Variants in GAPVD1 observed in about 807,000 individuals in gnomAD.
GAPVD1 encodes GTPase-activating protein and VPS9 domain-containing protein 1.
In GAPVD1, 35 loss-of-function variants were observed where a neutral mutation model predicts 155.5. That is an observed-to-expected ratio of 0.23 (90% CI 0.17 to 0.30). GAPVD1 has a LOEUF of 0.30. Ranked by LOEUF, GAPVD1 falls within the 10% of genes least tolerant of loss-of-function variation. GAPVD1 has a pLI of 1.00. For missense variants in GAPVD1, 1,429 were observed against 1,775.7 expected (o/e 0.80, Z 3.51); for synonymous variants, 636 against 619.7 (o/e 1.03, Z -0.39).
intron 1 of GAPVD1, among the ~76,000 whole-genome samples, chr9:125,268,193 A>ACCC (rs1356313378): frequency 1.2e-5 from 1 of 85,812 alleles, no homozygotes; most frequent in African/African-American, 4.4e-5. Context: ...ACAAACAAAC[A>ACCC]ACCCCCCCCC....
chr9:125,331,493 G>A (rs1413646599), intron 13 of GAPVD1, among the ~76,000 whole-genome samples: 2 of 152,148 alleles, frequency 1.3e-5, no homozygotes, highest in African/African-American at 2.4e-5. Context: ...GAGCTACCAC[G>A]GCTGGCCTGT....
chr9:125,300,018 C>CAAAATAAAAAA (rs1564330046), intron 4 of GAPVD1, among the ~76,000 whole-genome samples: 3 of 1,934 alleles, frequency 1.6e-3, no homozygotes, highest in Admixed American at 0.016. Context: ...GACTCTGTCT[C>CAAAATAAAAAA]AAAAGAAAAA....
chr9:125,332,083 A>C, intron 14 of GAPVD1, 23 bp downstream of exon 14: 1 of 1,612,182 alleles, frequency 6.2e-7, no homozygotes, highest in Non-Finnish European at 8.5e-7. Flanking sequence ...TGTTTTAAGG[A>C]GTAGGGATTT....
Position 125,321,528 on chromosome 9 carries a change from C to G in GAPVD1, c.1698C>G (p.Ser566=). ...AACCTGATAAAACCTTGCGCTTTTC[C>G]CTCTGCAGTGATAATCTGGAAGGAA... ...HGKPDKTLRF[S]LCSDNLEGIS... The change falls in exon 10 of 28, where the codon TCC becomes TCG. Residue 566 remains serine, a synonymous_variant. Coordinates refer to ENST00000297933, the MANE Select transcript of GAPVD1 (RefSeq NM_001282680.3). 6.2e-7 allele frequency: 1 copy of G among 1,613,538 alleles called. No individual in the cohort carries two copies. Among genetic ancestry groups the G allele is most frequent in the Non-Finnish European group, 8.5e-7 (1 of 1,179,660 alleles).
intron 5 of GAPVD1, among the ~76,000 whole-genome samples, chr9:125,304,740 T>C: frequency 6.6e-6 from 1 of 152,200 alleles, no homozygotes; most frequent in South Asian, 2.1e-4. Context: ...TACAAATTAA[T>C]TTAAAAAGCT....
At chr9:125,306,281 A>C (rs748413419) in intron 6 of GAPVD1, among the ~76,000 whole-genome samples, 1 of 152,028 alleles carries the variant, frequency 6.6e-6, no homozygotes, top group Non-Finnish European at 1.5e-5. Context: ...CTCCTGCCTC[A>C]GCCTCCGAGT....
intron 12 of GAPVD1, among the ~76,000 whole-genome samples, chr9:125,326,998 C>A (rs1184699582): frequency 6.6e-6 from 1 of 152,122 alleles, no homozygotes; most frequent in African/African-American, 2.4e-5. Flanking sequence ...GCCATAAAAT[C>A]TTTCACAACA....
intron 1 of GAPVD1, among the ~76,000 whole-genome samples, chr9:125,265,433 A>G (rs1297650260): frequency 6.6e-6 from 1 of 151,346 alleles, no homozygotes; most frequent in East Asian, 2.0e-4. Flanking sequence ...TCTTTCTGAG[A>G]GGGAGTCTTA....
intron 6 of GAPVD1, 111 bp downstream of exon 6, chr9:125,305,260 G>T (rs2130987035): frequency 2.9e-6 from 2 of 692,452 alleles, no homozygotes; most frequent in South Asian, 3.5e-5. Flanking sequence ...CTTTTAATTA[G>T]CTACAGTATT....
chr9:125,273,589 G>T (rs1385268325), intron 2 of GAPVD1, among the ~76,000 whole-genome samples: 1 of 151,564 alleles, frequency 6.6e-6, no homozygotes, highest in African/African-American at 2.4e-5. Flanking sequence ...CACAGAAATA[G>T]TGCAGAATGT....
intron 9 of GAPVD1, among the ~76,000 whole-genome samples, chr9:125,318,942 G>A (rs985679492): frequency 5.9e-5 from 9 of 151,996 alleles, no homozygotes; most frequent in Non-Finnish European, 1.3e-4. Flanking sequence ...TTGGGAGGCC[G>A]AAGCAGGCAG....
chr9:125,341,214 A>T lies in GAPVD1; in HGVS notation c.2915A>T (p.Asp972Val). The T allele has an allele frequency of 6.2e-7, 1 of 1,607,156 alleles. No individual in the cohort carries two copies. The highest frequency in any genetic ancestry group is 8.5e-7 in the Non-Finnish European group (1 of 1,173,938). Residue 972 changes from aspartate to valine, a missense_variant, in exon 18 of 28, where the codon GAC becomes GTC. By Grantham distance (152) the Asp-to-Val change is radical (BLOSUM62 -3). Around this residue, in one of 4 missense-constraint regions of GAPVD1, gnomAD observed 699 missense variants for 826.0 expected, o/e 0.85. Transcript: ENST00000297933. ...AAAGATAGCGATGATGAGAAATCAG[A>T]CAGGAACAGACCTTGGTGGAGAAAA... is the stretch of plus-strand genomic sequence containing the variant. ...ERKDSDDEKS[D>V]RNRPWWRKRF...
chr9:125,294,904 T>A (rs1439970575), intron 2 of GAPVD1, among the ~76,000 whole-genome samples: 1 of 151,920 alleles, frequency 6.6e-6, no homozygotes, highest in Non-Finnish European at 1.5e-5. Flanking sequence ...ACAGGAACTT[T>A]AAGGAGTAAA....
intron 2 of GAPVD1, among the ~76,000 whole-genome samples, chr9:125,292,507 C>T (rs535756731): frequency 1.3e-5 from 2 of 152,044 alleles, no homozygotes; most frequent in East Asian, 1.9e-4. Flanking sequence ...ATTTTCTTGC[C>T]TCAGCCTCCT....
chr9:125,288,759 A>T (rs1838129627), intron 2 of GAPVD1, among the ~76,000 whole-genome samples: 1 of 152,192 alleles, frequency 6.6e-6, no homozygotes, highest in African/African-American at 2.4e-5. Flanking sequence ...ACTGCAAGGG[A>T]ACCAATTAGG....
At position 125,330,148 on chromosome 9, in the gene GAPVD1, C is replaced by G. The variant is rs780991542; in HGVS notation, c.2103C>G (p.Pro701=). ...LPGSGSVLLD[P]CTGSTISETT... Reference sequence around the variant, plus strand: ...GTTCAGGGTCAGTGCTTCTTGACCCCTGCACTGGTTCTACCATATCAGAGA... The same window carrying G: ...GTTCAGGGTCAGTGCTTCTTGACCCGTGCACTGGTTCTACCATATCAGAGA... Residue 701 remains proline, a synonymous_variant, in exon 13 of 28, where the codon CCC becomes CCG. Transcript: ENST00000297933. The G allele has an allele frequency of 3.0e-5, 48 of 1,608,146 alleles. No individual in the cohort carries two copies. The highest frequency in any genetic ancestry group is 4.0e-5 in the Non-Finnish European group (47 of 1,174,800).
intron 1 of GAPVD1, among the ~76,000 whole-genome samples, chr9:125,262,623 A>C (rs1157371129): frequency 6.6e-6 from 1 of 152,118 alleles, no homozygotes; most frequent in Non-Finnish European, 1.5e-5. Context: ...TGATAGGTTC[A>C]GATGAGAACT....
chr9:125,339,070 C>T (rs1462722666), intron 17 of GAPVD1, among the ~76,000 whole-genome samples: 2 of 152,178 alleles, frequency 1.3e-5, no homozygotes, highest in Admixed American at 1.3e-4. Flanking sequence ...CAGCCTTAAC[C>T]TCCCAGGCTC....
At chr9:125,288,918 A>G (rs1037971685) in intron 2 of GAPVD1, among the ~76,000 whole-genome samples, 1 of 152,320 alleles carries the variant, frequency 6.6e-6, no homozygotes, top group African/African-American at 2.4e-5. Flanking sequence ...GAAATCTTAC[A>G]TAGGGTGGCC....
Sources: allele counts gnomAD v4.1 joint callset (sites outside exome capture counted in the v4.1 genomes callset), GRCh38; gene constraint gnomAD v4.1.1; regional missense constraint gnomAD v4.1.1; transcripts MANE v1.5; gene names NCBI Gene and HGNC (gene_info 2026-07-23, HGNC 2026-07-21).